STIM2: variants seen among roughly 807,000 people sequenced by gnomAD.
STIM2 encodes the protein stromal interaction molecule 2.
Under a neutral mutation model 85.8 loss-of-function variants are expected in STIM2, and 31 were observed. The observed-to-expected ratio is 0.36, with a 90% CI of 0.27 to 0.49. STIM2 has a LOEUF of 0.49. Ranked by LOEUF, STIM2 falls within the 20% of genes least tolerant of loss-of-function variation. STIM2 has a pLI of 0.98. For missense variants in STIM2, 841 were observed against 927.6 expected (o/e 0.91, Z 1.21); for synonymous variants, 356 against 331.1 (o/e 1.08, Z -0.82).
intron 3 of STIM2, among the ~76,000 whole-genome samples, chr4:26,992,851 C>T (rs574071214): frequency 6.6e-6 from 1 of 152,108 alleles, no homozygotes; most frequent in African/African-American, 2.4e-5. Flanking sequence ...AATCTCCCCC[C>T]AAAATAAATG....
At chr4:26,944,975 A>C (rs771111881) in intron 2 of STIM2, among the ~76,000 whole-genome samples, 2 of 152,156 alleles carry the variant, frequency 1.3e-5, no homozygotes, top group Non-Finnish European at 2.9e-5. Context: ...CATGTGCAGG[A>C]TGTGCAGATT....
intron 1 of STIM2, chr4:26,861,695 A>ATTTTTTT (rs57976994): frequency 8.1e-6 from 1 of 123,992 alleles, no homozygotes; most frequent in African/African-American, 3.1e-5. Context: ...GACTGGGCTG[A>ATTTTTTT]TTTTTTTTTT....
At chr4:26,958,010 C>G (rs533679410) in intron 3 of STIM2, among the ~76,000 whole-genome samples, 1 of 152,032 alleles carries the variant, frequency 6.6e-6, no homozygotes, top group Non-Finnish European at 1.5e-5. Flanking sequence ...TCAGCTATTA[C>G]GTGACATTAT....
intron 2 of STIM2, among the ~76,000 whole-genome samples, chr4:26,921,615 T>G (rs1356510961): frequency 6.6e-6 from 1 of 152,250 alleles, no homozygotes; most frequent in Non-Finnish European, 1.5e-5. Context: ...CTGCTGTAAA[T>G]TAAGCTCCTG....
intron 3 of STIM2, among the ~76,000 whole-genome samples, chr4:26,975,063 C>G (rs1727129804): frequency 6.6e-6 from 1 of 152,048 alleles, no homozygotes; most frequent in Admixed American, 6.6e-5. Flanking sequence ...TCATGAAGTT[C>G]TCGTGCCATA....
intron 2 of STIM2, among the ~76,000 whole-genome samples, chr4:26,956,255 A>T (rs1322695490): frequency 5.3e-5 from 8 of 152,320 alleles, no homozygotes; most frequent in Admixed American, 1.3e-4. Flanking sequence ...TTAGTTTCAC[A>T]TAATTAGAGT....
intron 1 of STIM2, among the ~76,000 whole-genome samples, chr4:26,863,088 A>C (rs573081596): frequency 3.2e-4 from 49 of 152,164 alleles, no homozygotes; most frequent in Non-Finnish European, 6.2e-4. Context: ...TACTGTGTAG[A>C]TCACATCAAG....
rs1179389241 is a variant in STIM2, at chr4:27,023,930, A to G, written c.*934A>G. 6.6e-6 allele frequency: 1 copy of G among 152,648 alleles called. No homozygotes were observed. Among genetic ancestry groups the G allele is most frequent in the Non-Finnish European group, 1.5e-5 (1 of 68,040 alleles). The allele number at this position is 152,648 out of a possible 1,614,324, so 9.5% of individuals were successfully genotyped here. On this transcript the variant is annotated 3_prime_UTR_variant, in exon 12 of 12. Transcript: ENST00000467087. The stretch of plus-strand genomic sequence containing the variant: ...GATTTACGGTTTGTGAAAAATGTGT[A>G]CTGTGGAAAAGATAATAAATTGAAG...
intron 1 of STIM2, among the ~76,000 whole-genome samples, chr4:26,891,598 C>CA (rs1491558759): frequency 4.5e-4 from 63 of 141,030 alleles, no homozygotes; most frequent in Admixed American, 1.1e-3. Context: ...CACACACACA[C>CA]CCCCTTTTGG....
At chr4:26,893,721 G>T (rs749825810) in intron 1 of STIM2, among the ~76,000 whole-genome samples, 2 of 152,138 alleles carry the variant, frequency 1.3e-5, no homozygotes, top group African/African-American at 2.4e-5. Context: ...TGCCAAAGCG[G>T]ATGTATCAGT....
chr4:26,952,129 AGGT>A (rs1432006657), intron 2 of STIM2, among the ~76,000 whole-genome samples: 1 of 152,166 alleles, frequency 6.6e-6, no homozygotes, highest in Non-Finnish European at 1.5e-5. Flanking sequence ...CTCCCACAAC[AGGT>A]GGGAATTATG....
At chr4:26,988,563 T>G in intron 3 of STIM2, among the ~76,000 whole-genome samples, 1 of 152,188 alleles carries the variant, frequency 6.6e-6, no homozygotes, top group Non-Finnish European at 1.5e-5. Flanking sequence ...GAAGAGGCGG[T>G]GTTCCTGCAC....
chr4:26,974,491 T>G (rs1727104568), intron 3 of STIM2, among the ~76,000 whole-genome samples: 1 of 152,204 alleles, frequency 6.6e-6, no homozygotes, highest in Non-Finnish European at 1.5e-5. Flanking sequence ...TCTCCTTCAG[T>G]TATGAAGCTT....
At chr4:26,900,414 A>G (rs758324228) in intron 1 of STIM2, among the ~76,000 whole-genome samples, 2 of 152,176 alleles carry the variant, frequency 1.3e-5, no homozygotes, top group African/African-American at 2.4e-5. Flanking sequence ...TTAAGTTACT[A>G]ATAATTAAAA....
intron 1 of STIM2, among the ~76,000 whole-genome samples, chr4:26,894,721 A>G (rs562784827): frequency 6.6e-6 from 1 of 152,108 alleles, no homozygotes; most frequent in Non-Finnish European, 1.5e-5. Flanking sequence ...ATATGTCTTA[A>G]TATTTGGTAT....
intron 3 of STIM2, among the ~76,000 whole-genome samples, chr4:26,964,632 G>A (rs1577466795): frequency 6.6e-6 from 1 of 152,052 alleles, no homozygotes; most frequent in South Asian, 2.1e-4. Flanking sequence ...GGCTTGGAGG[G>A]GGGGTTTATT....
intron 11 of STIM2, 82 bp from the exon 12 acceptor site, chr4:27,022,433 TGAAA>T: frequency 9.1e-7 from 1 of 1,103,910 alleles, no homozygotes. Context: ...CAAAAAGCAA[TGAAA>T]GTTGTTTTAG....
At position 27,017,774 on chromosome 4, in the gene STIM2, G is replaced by T. The variant is rs1366142873; in HGVS notation, c.1553G>T (p.Ser518Ile). Residue 518 changes from serine (S) to isoleucine (I), a missense_variant, in exon 11 of 12, where the codon AGC (serine) becomes ATC (isoleucine). By Grantham distance (142) the Ser-to-Ile change is moderately radical (BLOSUM62 -2). Around this residue, in one of 3 missense-constraint regions of STIM2, gnomAD observed 293 missense variants for 284.5 expected, o/e 1.03. Coordinates refer to ENST00000467087, the MANE Select transcript of STIM2 (RefSeq NM_020860.4). ...AGCAGCCTGTGCCGTTCACGCCGCA[G>T]CATTGTGCCGTCCTCGCCTCAGCCT... 1 of 1,614,080 alleles carries T rather than the reference G, an allele frequency of 6.2e-7. No homozygotes were observed. Among genetic ancestry groups the T allele is most frequent in the South Asian group, 1.1e-5 (1 of 91,072 alleles).
rs752353601 is a variant in STIM2, at chr4:26,957,583, TATTTA to T, written c.283-27_283-23del. On this transcript the variant is annotated intron_variant, in intron 2 of 11. Coordinates refer to ENST00000467087, the MANE Select transcript of STIM2 (RefSeq NM_020860.4). ...TGTCAAGACTAAGGTAATGAATTTATATTTAACTTAATGTTTTCTCTTCTATAGTT... is the reference window on the plus strand; with the variant it reads ...TGTCAAGACTAAGGTAATGAATTTATACTTAATGTTTTCTCTTCTATAGTT... 2.9e-5 allele frequency: 37 copies of T among 1,258,734 alleles called. 1 individual carries two copies. In the East Asian group the frequency reaches 3.5e-4, roughly 12 times the overall value. The allele number at this position is 1,258,734 out of a possible 1,614,324, so 78.0% of individuals were successfully genotyped here.
Sources: gnomAD v4.1 joint callset for allele counts (sites outside exome capture counted in the v4.1 genomes callset) on GRCh38, gnomAD v4.1.1 for gene constraint, gnomAD v4.1.1 regional missense constraint, MANE v1.5 for transcripts, NCBI Gene and HGNC (gene_info 2026-07-23, HGNC 2026-07-21) for gene names.